The following MYO1F variants were observed in gnomAD, a reference collection of about 807,000 sequenced individuals.
MYO1F encodes the protein myosin IF, also known as unconventional myosin-If.
A neutral mutation model predicts 146.6 loss-of-function variants in MYO1F; 60 were observed. The observed-to-expected ratio is 0.41, with a 90% CI of 0.33 to 0.51. MYO1F has a LOEUF of 0.51. MYO1F is among the 20% of genes least tolerant of loss of function. MYO1F has a pLI of 0.25. For synonymous variants in MYO1F, 602 were observed against 602.1 expected (o/e 1.00, Z 0.00); for missense variants, 1,274 against 1,534.3 (o/e 0.83, Z 2.83).
At chr19:8,570,803 C>T (rs1327122269) in intron 1 of MYO1F, among the ~76,000 whole-genome samples, 1 of 152,106 alleles carries the variant, frequency 6.6e-6, no homozygotes, top group Non-Finnish European at 1.5e-5. Flanking sequence ...CCGCTGTGCC[C>T]GGCCAAGATG....
intron 1 of MYO1F, among the ~76,000 whole-genome samples, chr19:8,556,496 A>AAGAAAGAAAGAAAG (rs1555727817): frequency 0.065 from 9,202 of 141,504 alleles, 935 homozygotes; most frequent in African/African-American, 0.24. Context: ...GAAAGAAAGA[A>AAGAAAGAAAGAAAG]AGAAAGAAAG....
At chr19:8,560,341 C>T (rs941773233) in intron 1 of MYO1F, among the ~76,000 whole-genome samples, 6 of 150,546 alleles carry the variant, frequency 4.0e-5, no homozygotes, top group South Asian at 4.2e-4. Context: ...AAAAAGTAGC[C>T]GGGTGTGGGG....
chr19:8,567,670 T>C (rs1355319320), intron 1 of MYO1F, among the ~76,000 whole-genome samples: 2 of 152,216 alleles, frequency 1.3e-5, no homozygotes, highest in African/African-American at 2.4e-5. Context: ...GTCCATTTTA[T>C]AGAAGAGAAA....
chr19:8,543,897 CTGGTGG>C (rs1203381495), intron 14 of MYO1F, among the ~76,000 whole-genome samples: 11 of 11,092 alleles, frequency 9.9e-4, no homozygotes, highest in East Asian at 0.011. Flanking sequence ...GGTGGTGGTG[CTGGTGG>C]TGGTGGTGGT....
chr19:8,553,117 A>G, intron 6 of MYO1F, 22 bp downstream of exon 6: 26 of 1,610,510 alleles, frequency 1.6e-5, no homozygotes, highest in Non-Finnish European at 2.2e-5. Context: ...CAGCTGCTCC[A>G]AGCAGGTCTG....
At chr19:8,559,084 T>C (rs368586862) in intron 1 of MYO1F, among the ~76,000 whole-genome samples, 123 of 151,974 alleles carry the variant, frequency 8.1e-4, no homozygotes, top group African/African-American at 2.9e-3. Context: ...TTCACTGTGT[T>C]GCTCAGGCTG....
intron 22 of MYO1F, 150 bp downstream of exon 22, chr19:8,527,188 G>C: frequency 8.8e-7 from 1 of 1,131,564 alleles, no homozygotes; most frequent in Non-Finnish European, 1.3e-6. Flanking sequence ...ATGAGCATAG[G>C]GGGCAGGTGA....
In MYO1F at chr19:8,529,954, T is replaced by C. The variant is rs1490140133; in HGVS notation, c.2328+242A>G. The C allele has an allele frequency of 7.1e-5, 45 of 629,530 alleles. No homozygotes were observed. In the Admixed American group the frequency reaches 9.9e-4, roughly 14 times the overall value. The allele number at this position is 629,530 out of a possible 1,614,324, so 39.0% of individuals were successfully genotyped here. On this transcript the variant is annotated intron_variant, in intron 21 of 27. Coordinates refer to ENST00000644032, the MANE Select transcript of MYO1F (RefSeq NM_012335.4). ...GAACAGATGGATCTAGGCTGGGGGA[T>C]AGATACCTATGGACAGGTGTGTCTG...
chr19:8,533,954 G>T (rs1373281961), intron 19 of MYO1F, among the ~76,000 whole-genome samples: 1 of 152,076 alleles, frequency 6.6e-6, no homozygotes, highest in African/African-American at 2.4e-5. Context: ...GGAGGCTGAG[G>T]TGGGCAGATC....
At chr19:8,549,796 C>G in intron 10 of MYO1F, 1 of 322,952 alleles carries the variant, frequency 3.1e-6, no homozygotes, top group Non-Finnish European at 5.9e-6. Context: ...TGAGCCACTG[C>G]ATCTGGCCAA....
intron 19 of MYO1F, among the ~76,000 whole-genome samples, chr19:8,533,917 G>A (rs1294996259): frequency 1.3e-5 from 2 of 152,136 alleles, no homozygotes; most frequent in Non-Finnish European, 2.9e-5. Flanking sequence ...GGGCGCGGTG[G>A]CTCATGCATA....
chr19:8,554,085 A>G (rs1266514707), intron 4 of MYO1F, among the ~76,000 whole-genome samples: 3 of 151,842 alleles, frequency 2.0e-5, no homozygotes, highest in African/African-American at 7.3e-5. Flanking sequence ...CAGCCTCTTG[A>G]GTAGCTGGGG....
intron 21 of MYO1F, among the ~76,000 whole-genome samples, chr19:8,528,381 A>G (rs188595692): frequency 2.6e-5 from 4 of 151,942 alleles, no homozygotes; most frequent in Admixed American, 2.0e-4. Flanking sequence ...ACAAAAAACT[A>G]GCTGGGCGTG....
chr19:8,572,345 G>A lies in MYO1F; in HGVS notation c.3+4962C>T, dbSNP rs532878192. ...TGTAGTGGTGCGATCTCAGCTCACT[G>A]CAACCTCTGCCTCTCGGGTTCAAGC... On this transcript the variant is annotated intron_variant, in intron 1 of 27. Coordinates refer to ENST00000644032, the MANE Select transcript of MYO1F (RefSeq NM_012335.4). 2.6e-5 allele frequency among the ~76,000 whole-genome samples: 4 copies of A among 152,102 alleles called. No homozygotes were observed. In the South Asian group the frequency reaches 8.3e-4, roughly 32 times the overall value.
intron 1 of MYO1F, among the ~76,000 whole-genome samples, chr19:8,565,561 A>G (rs1326188014): frequency 1.3e-5 from 2 of 151,944 alleles, no homozygotes; most frequent in Non-Finnish European, 2.9e-5. Flanking sequence ...AATAATAATA[A>G]AAATTAAAAA....
chr19:8,564,085 A>G (rs1397921962), intron 1 of MYO1F, among the ~76,000 whole-genome samples: 1 of 152,068 alleles, frequency 6.6e-6, no homozygotes, highest in Non-Finnish European at 1.5e-5. Context: ...GTGTTTTTAT[A>G]AGAAGTGGGT....
chr19:8,574,595 C>CTT (rs1468192753), intron 1 of MYO1F, among the ~76,000 whole-genome samples: 5 of 105,924 alleles, frequency 4.7e-5, no homozygotes, highest in Admixed American at 9.3e-5. Context: ...CTCTCTCTCT[C>CTT]TCTTTCTTTC....
chr19:8,543,637 C>CGGTGGTGGAGGTGGTGCTGGTGGT (rs1568348160), intron 14 of MYO1F, among the ~76,000 whole-genome samples: 9 of 136,286 alleles, frequency 6.6e-5, no homozygotes, highest in Admixed American at 3.0e-4. Context: ...CCAGGGAACA[C>CGGTGGTGGAGGTGGTGCTGGTGGT]GGTGGTGGTG....
intron 21 of MYO1F, among the ~76,000 whole-genome samples, chr19:8,528,234 A>G (rs990090262): frequency 3.5e-5 from 5 of 141,938 alleles, no homozygotes; most frequent in African/African-American, 1.3e-4. Context: ...AAACAAACAA[A>G]CAAAAAATAA....
Sources: allele counts gnomAD v4.1 joint callset (sites outside exome capture counted in the v4.1 genomes callset), GRCh38; gene constraint gnomAD v4.1.1; transcripts MANE v1.5; gene names NCBI Gene and HGNC (gene_info 2026-07-23, HGNC 2026-07-21).